The following COL21A1 variants were observed in gnomAD, a reference collection of about 807,000 sequenced individuals.
COL21A1 encodes collagen type XXI alpha 1 chain.
A neutral mutation model predicts 137.9 loss-of-function variants in COL21A1; 149 were observed. The ratio of observed to expected loss-of-function variants is 1.08; its 90% CI spans 0.95 to 1.24. The LOEUF (loss-of-function observed/expected upper bound fraction) is 1.24. COL21A1 is among the 50% of genes most tolerant of loss of function. The probability of loss-of-function intolerance (pLI) is 0.00; values close to 1 mark genes in which losing one functional copy is unlikely to be tolerated. For synonymous variants in COL21A1, 456 were observed against 391.5 expected (o/e 1.16, Z -1.95); for missense variants, 1,167 against 1,158.4 (o/e 1.01, Z -0.11).
intron 17 of COL21A1, among the ~76,000 whole-genome samples, chr6:56,097,735 C>G (rs1270488175): frequency 7.5e-6 from 1 of 133,022 alleles, no homozygotes; most frequent in Non-Finnish European, 1.5e-5. Flanking sequence ...CTTCTAAGCA[C>G]TCCTCATTTT....
At chr6:56,322,977 C>T (rs977080887) in intron 1 of COL21A1, among the ~76,000 whole-genome samples, 3 of 150,454 alleles carry the variant, frequency 2.0e-5, no homozygotes, top group African/African-American at 7.3e-5. Flanking sequence ...TGTGTACACA[C>T]AGACATAGAG....
chr6:56,267,326 A>G (rs925224472), intron 1 of COL21A1, among the ~76,000 whole-genome samples: 5 of 152,100 alleles, frequency 3.3e-5, no homozygotes, highest in African/African-American at 4.8e-5. Context: ...GTGCATAAAA[A>G]CTTTTTCTGC....
chr6:56,062,997 TAG>T (rs1185253696), intron 24 of COL21A1, among the ~76,000 whole-genome samples: 3 of 152,110 alleles, frequency 2.0e-5, no homozygotes, highest in African/African-American at 7.2e-5. Flanking sequence ...TTGTGCTTGG[TAG>T]AGTGACAGGT....
intron 1 of COL21A1, among the ~76,000 whole-genome samples, chr6:56,208,283 G>T (rs747420048): frequency 2.6e-5 from 4 of 152,168 alleles, no homozygotes; most frequent in Non-Finnish European, 4.4e-5. Context: ...AAACCCCATT[G>T]TCTCAGCCCA....
chr6:56,298,348 G>T (rs564614949), intron 1 of COL21A1, among the ~76,000 whole-genome samples: 6 of 152,156 alleles, frequency 3.9e-5, no homozygotes, highest in Admixed American at 3.9e-4. Flanking sequence ...GGGTGGTGTC[G>T]TGTATCATTC....
chr6:56,192,010 C>A (rs1197352391), intron 1 of COL21A1, among the ~76,000 whole-genome samples: 1 of 152,026 alleles, frequency 6.6e-6, no homozygotes, highest in Admixed American at 6.6e-5. Context: ...GATATATAGA[C>A]CAATGGAACA....
chr6:56,166,468 A>T (rs905198410), intron 7 of COL21A1, among the ~76,000 whole-genome samples: 1 of 152,128 alleles, frequency 6.6e-6, no homozygotes, highest in Non-Finnish European at 1.5e-5. Context: ...CCTGGCCAAC[A>T]TGGTGAAACC....
At chr6:56,183,748 A>G (rs975750536) in intron 1 of COL21A1, among the ~76,000 whole-genome samples, 1 of 152,204 alleles carries the variant, frequency 6.6e-6, no homozygotes, top group Non-Finnish European at 1.5e-5. Flanking sequence ...TATCAGAAGT[A>G]GCAAAAAGTG....
intron 1 of COL21A1, among the ~76,000 whole-genome samples, chr6:56,263,467 T>C (rs1323531788): frequency 6.6e-6 from 1 of 152,048 alleles, no homozygotes; most frequent in Non-Finnish European, 1.5e-5. Context: ...AAGGGTGTGG[T>C]GGGAAATAAG....
intron 1 of COL21A1, among the ~76,000 whole-genome samples, chr6:56,201,221 T>C (rs866564156): frequency 1.3e-5 from 2 of 152,178 alleles, no homozygotes; most frequent in South Asian, 2.1e-4. Flanking sequence ...GTCAGATGAG[T>C]AGGCTGCAAA....
intron 3 of COL21A1, among the ~76,000 whole-genome samples, chr6:56,178,654 C>T (rs891355906): frequency 1.3e-5 from 2 of 151,804 alleles, no homozygotes; most frequent in African/African-American, 4.8e-5. Flanking sequence ...ATAAGAGATA[C>T]AAAAAATTAC....
chr6:56,061,624 G>A (rs372062340), intron 25 of COL21A1, 25 bp downstream of exon 25: 2 of 1,546,366 alleles, frequency 1.3e-6, no homozygotes, highest in African/African-American at 2.7e-5. Flanking sequence ...GAGAGCAAGA[G>A]AGCATAATAT....
At chr6:56,170,371 T>C (rs949746612) in intron 5 of COL21A1, among the ~76,000 whole-genome samples, 3 of 151,954 alleles carry the variant, frequency 2.0e-5, no homozygotes, top group East Asian at 3.9e-4. Context: ...ATGGGAGCAA[T>C]GGTTTCTTTA....
At chr6:56,320,213 T>C (rs112529816) in intron 1 of COL21A1, among the ~76,000 whole-genome samples, 1 of 152,238 alleles carries the variant, frequency 6.6e-6, no homozygotes, top group Non-Finnish European at 1.5e-5. Flanking sequence ...ACTCCTTTCT[T>C]CCCCTAATAC....
At chr6:56,177,481 T>C (rs1351199537) in intron 3 of COL21A1, among the ~76,000 whole-genome samples, 1 of 152,166 alleles carries the variant, frequency 6.6e-6, no homozygotes, top group African/African-American at 2.4e-5. Flanking sequence ...GCATTAATCA[T>C]ACTCTAATAC....
chr6:56,131,150 C>T (rs1345147345), intron 12 of COL21A1, among the ~76,000 whole-genome samples: 4 of 151,724 alleles, frequency 2.6e-5, no homozygotes, highest in Non-Finnish European at 5.9e-5. Context: ...CAATGAAAAA[C>T]AATTACTGAA....
At chr6:56,213,383 T>C (rs1410195008) in intron 1 of COL21A1, among the ~76,000 whole-genome samples, 1 of 152,050 alleles carries the variant, frequency 6.6e-6, no homozygotes, top group Non-Finnish European at 1.5e-5. Context: ...ACCTCCTAGC[T>C]CACTAATTGC....
At chr6:56,110,717 T>C (rs923220460) in intron 16 of COL21A1, among the ~76,000 whole-genome samples, 1 of 152,036 alleles carries the variant, frequency 6.6e-6, no homozygotes, top group South Asian at 2.1e-4. Context: ...TTTTTCAAAG[T>C]CTATTTATGA....
chr6:56,154,587 C>G (rs1404013533), intron 10 of COL21A1, among the ~76,000 whole-genome samples: 1 of 152,144 alleles, frequency 6.6e-6, no homozygotes, highest in Non-Finnish European at 1.5e-5. Context: ...ACCGTATCAC[C>G]CTAGTACAAA....
Sources: allele counts gnomAD v4.1 joint callset (sites outside exome capture counted in the v4.1 genomes callset), GRCh38; gene constraint gnomAD v4.1.1; transcripts MANE v1.5; gene names NCBI Gene and HGNC (gene_info 2026-07-23, HGNC 2026-07-21).